The following ANKRD24 variants were observed in gnomAD, a reference collection of about 807,000 sequenced individuals.
The protein encoded by ANKRD24 is ankyrin repeat domain 24, also known as ankyrin repeat domain-containing protein 24.
Under a neutral mutation model 127.8 loss-of-function variants are expected in ANKRD24, and 109 were observed. The observed-to-expected ratio is 0.85, with a 90% CI of 0.73 to 1.00. ANKRD24 has a LOEUF of 1.00. ANKRD24 is among the 50% of genes least tolerant of loss of function. ANKRD24 has a pLI of 0.00. For missense variants in ANKRD24, 1,648 were observed against 1,570.2 expected, an observed-to-expected ratio of 1.05 and a Z score of -0.84; for synonymous variants, 743 against 671.1, an observed-to-expected ratio of 1.11 and a Z score of -1.66.
chr19:4,194,442 C>T lies in ANKRD24; in HGVS notation c.37-5241C>T, dbSNP rs576367598. On this transcript the variant is annotated intron_variant, in intron 2 of 21. Transcript: ENST00000318934. ...TGCTGAGATTGTAGGCGTGAACCAC[C>T]GCACCTAGCCAGAAATGTGAATTTC... Among the ~76,000 whole-genome samples the T allele has an allele frequency of 2.4e-4, 37 of 152,126 alleles. 1 individual carries two copies. The highest frequency in any genetic ancestry group is 1.2e-3 in the Admixed American group (18 of 15,262).
rs369137961 is a variant in ANKRD24, at chr19:4,219,679, G to A, written c.3092G>A (p.Arg1031Gln). Residue 1031 changes from arginine (R) to glutamine (Q), a missense_variant, in exon 19 of 22, where the codon CGG becomes CAG. Arg to Gln is a conservative substitution (Grantham distance 43). Transcript: ENST00000318934. ...ATAEQQLRGL[R>Q]TEAERARQAQ... Reference sequence around the variant, plus strand: ...GCAGAGCAGCAGCTACGGGGGCTACGGACCGAGGCGGAAAGGGCTCGCCAG... The same window carrying A: ...GCAGAGCAGCAGCTACGGGGGCTACAGACCGAGGCGGAAAGGGCTCGCCAG... 5.2e-5 allele frequency: 84 copies of A among 1,613,692 alleles called. No homozygotes were observed. The highest frequency in any genetic ancestry group is 6.6e-5 in the Non-Finnish European group (78 of 1,179,818).
chr19:4,208,051 A>G (rs1969498175), intron 10 of ANKRD24, 83 bp downstream of exon 10: 1 of 1,351,168 alleles, frequency 7.4e-7, no homozygotes, highest in East Asian at 2.7e-5. Context: ...AATAGTTTCA[A>G]GGTACCCCCG....
In ANKRD24 at chr19:4,198,134, C is replaced by T. The variant is rs1599413685; in HGVS notation, c.37-1549C>T. ...GTGGAGATGGACGCCCGCGGGTCCCCTGGAGATGCAGCCGGCGGCCTGCGC... is the reference window on the plus strand; with the variant it reads ...GTGGAGATGGACGCCCGCGGGTCCCTTGGAGATGCAGCCGGCGGCCTGCGC... On this transcript the variant is annotated intron_variant, in intron 2 of 21. Coordinates refer to ENST00000318934, the MANE Select transcript of ANKRD24 (RefSeq NM_001393985.1). The surrounding 1 kb of genome is among the most constrained non-coding windows in gnomAD (Gnocchi z 6.1). 9.7e-6 allele frequency: 5 copies of T among 517,372 alleles called. No individual in the cohort carries two copies. The East Asian group carries it at 1.7e-4, about 18-fold the overall frequency. 32.0% of individuals were successfully genotyped at this position (517,372 alleles called of 1,614,324 possible).
chr19:4,215,747 CCTGGGTGA>C (rs920689894), intron 15 of ANKRD24, among the ~76,000 whole-genome samples: 1 of 148,934 alleles, frequency 6.7e-6, no homozygotes, highest in African/African-American at 2.5e-5. Flanking sequence ...TGCACTCCAG[CCTGGGTGA>C]CAGAGTAAGA....
In ANKRD24 at chr19:4,199,510, C is replaced by T. The variant is rs139237665; in HGVS notation, c.37-173C>T. On this transcript the variant is annotated intron_variant, in intron 2 of 21. Coordinates refer to ENST00000318934, the MANE Select transcript of ANKRD24 (RefSeq NM_001393985.1). This position sits in a 1 kb window ranked among gnomAD's most constrained non-coding sequence, Gnocchi z 5.2. ...TACAGGCGTGAGCCTCCATGCTCAG[C>T]CCAGGGGACAACGTTTTGGAAATAG... 1,009 of 985,454 alleles carry T rather than the reference C, an allele frequency of 1.0e-3. 1 individual carries two copies. The highest frequency in any genetic ancestry group is 6.9e-3 in the African/African-American group (397 of 57,364). The allele number at this position is 985,454 out of a possible 1,614,324, so 61.0% of individuals were successfully genotyped here. A position where few individuals can be genotyped will look rare whatever the true frequency, so the allele number is the denominator to read the frequency against.
At chr19:4,187,448 G>C (rs888902816) in intron 2 of ANKRD24, among the ~76,000 whole-genome samples, 1 of 151,992 alleles carries the variant, frequency 6.6e-6, no homozygotes, top group South Asian at 2.1e-4. Flanking sequence ...GAAGGGGAGT[G>C]GGGGAGAGAG....
chr19:4,200,384 G>C (rs1166484101), intron 5 of ANKRD24, among the ~76,000 whole-genome samples: 1 of 152,196 alleles, frequency 6.6e-6, no homozygotes, highest in Non-Finnish European at 1.5e-5. Context: ...ACCGAGCAAA[G>C]CCAGTGGACA....
Position 4,219,706 on chromosome 19 carries a change from C to T in ANKRD24, c.3119C>T (p.Ala1040Val), listed in dbSNP as rs762688279. 30 of 1,613,428 alleles carry T rather than the reference C, an allele frequency of 1.9e-5. No individual in the cohort carries two copies. In the African/African-American group the frequency reaches 2.4e-4, roughly 13 times the overall value. Residue 1040 changes from alanine to valine, a missense_variant, in exon 19 of 22, where the codon GCC (alanine) becomes GTC (valine). Transcript: ENST00000318934. ...LRTEAERARQ[A>V]QSRAQEALDK... is the part of the protein sequence containing the mutation. ...ACCGAGGCGGAAAGGGCTCGCCAGGCCCAGAGCCGGGCCCAGGAGGCTCTG... is the reference window on the plus strand; with the variant it reads ...ACCGAGGCGGAAAGGGCTCGCCAGGTCCAGAGCCGGGCCCAGGAGGCTCTG...
intron 18 of ANKRD24, among the ~76,000 whole-genome samples, chr19:4,219,095 G>A (rs544974469): frequency 6.6e-6 from 1 of 152,214 alleles, no homozygotes; most frequent in African/African-American, 2.4e-5. Context: ...AGACCAGCCT[G>A]GACAACATCG....
chr19:4,204,088 C>T (rs957981374), intron 7 of ANKRD24, among the ~76,000 whole-genome samples: 15 of 151,616 alleles, frequency 9.9e-5, no homozygotes, highest in Admixed American at 2.0e-4. Flanking sequence ...CTCAGCCTCC[C>T]GAGTAGCGGG....
At chr19:4,197,125 A>G (rs1443845192) in intron 2 of ANKRD24, among the ~76,000 whole-genome samples, 2 of 152,000 alleles carry the variant, frequency 1.3e-5, no homozygotes, top group African/African-American at 4.8e-5. Context: ...TATGAAACCC[A>G]TTTTACGGAG....
Position 4,216,544 on chromosome 19 carries a change from C to A in ANKRD24, c.1390-6C>A. On this transcript the variant is annotated splice_polypyrimidine_tract_variant and splice_region_variant and intron_variant, in intron 17 of 21. Coordinates refer to ENST00000318934, the MANE Select transcript of ANKRD24 (RefSeq NM_001393985.1). ...CCAGACTCCTGCCCCCCACTCCACT[C>A]CCCAGATCCTGGAGAACTTTGAGAA... 6.2e-7 allele frequency: 1 copy of A among 1,602,078 alleles called. No individual in the cohort carries two copies. Among genetic ancestry groups the A allele is most frequent in the South Asian group, 1.1e-5 (1 of 89,102 alleles).
chr19:4,215,887 T>C, intron 15 of ANKRD24, 91 bp from the exon 16 acceptor site: 3 of 999,284 alleles, frequency 3.0e-6, no homozygotes, highest in Non-Finnish European at 4.5e-6. Context: ...CATACAGGTA[T>C]GTGAACAGCC....
chr19:4,211,988 C>T (rs961576390), intron 13 of ANKRD24, among the ~76,000 whole-genome samples: 1 of 152,106 alleles, frequency 6.6e-6, no homozygotes, highest in Non-Finnish European at 1.5e-5. Flanking sequence ...ATCACGAGGT[C>T]AGCAGATCGA....
chr19:4,208,849 C>T lies in ANKRD24; in HGVS notation c.870+48C>T, dbSNP rs568712628. 8.4e-5 allele frequency: 133 copies of T among 1,581,612 alleles called. 1 individual carries two copies. Among genetic ancestry groups the T allele is most frequent in the Admixed American group, 2.6e-4 (15 of 58,420 alleles). ...GGAGCCCCTCCTCCCTGCATCCACA[C>T]TAACTTCTCCCCTGCCCCAAGCTCT... On this transcript the variant is annotated intron_variant, in intron 11 of 21. Coordinates refer to ENST00000318934, the MANE Select transcript of ANKRD24 (RefSeq NM_001393985.1).
In ANKRD24 at chr19:4,217,901, T is replaced by C; in HGVS notation, c.2741T>C (p.Val914Ala). The C allele has an allele frequency of 6.7e-7, 1 of 1,481,968 alleles. No homozygotes were observed. Among genetic ancestry groups the C allele is most frequent in the South Asian group, 1.3e-5 (1 of 78,048 alleles). The allele number at this position is 1,481,968 out of a possible 1,614,324, so 91.8% of individuals were successfully genotyped here. ...TCCGAGGCCCTCCGCCAGTCCGTGG[T>C]GCCGGCCTCTGAGCACCGCCGGCTG... ...EASEALRQSV[V>A]PASEHRRLQE... is the part of the protein sequence containing the mutation. The change falls in exon 18 of 22, where the codon GTG (valine) becomes GCG (alanine). Residue 914 changes from valine (V) to alanine (A), a missense_variant. Val to Ala is a moderately conservative substitution (Grantham distance 64, BLOSUM62 0). Transcript: ENST00000318934.
intron 11 of ANKRD24, among the ~76,000 whole-genome samples, chr19:4,209,427 T>TTG (rs199804908): frequency 2.0e-5 from 3 of 149,900 alleles, no homozygotes; most frequent in Admixed American, 1.3e-4. Flanking sequence ...GTTTTTTTTT[T>TTG]TTGTTGTTGT....
intron 20 of ANKRD24, among the ~76,000 whole-genome samples, chr19:4,223,372 C>CATAT (rs59994305): frequency 1.8e-3 from 130 of 72,892 alleles, no homozygotes; most frequent in South Asian, 4.1e-3. Context: ...CCTGGCCATA[C>CATAT]ATATATATAT....
chr19:4,223,372 C>CATATATATAT (rs59994305), intron 20 of ANKRD24, among the ~76,000 whole-genome samples: 5 of 72,908 alleles, frequency 6.9e-5, no homozygotes, highest in Admixed American at 1.8e-4. Flanking sequence ...CCTGGCCATA[C>CATATATATAT]ATATATATAT....
Sources: allele counts gnomAD v4.1 joint callset (sites outside exome capture counted in the v4.1 genomes callset), GRCh38; gene constraint gnomAD v4.1.1; non-coding constraint Gnocchi (gnomAD v3.1); transcripts MANE v1.5; gene names NCBI Gene and HGNC (gene_info 2026-07-23, HGNC 2026-07-21).